Variants in DENND4C observed in about 807,000 individuals in gnomAD.
DENND4C encodes the protein DENN domain-containing protein 4C.
DENND4C carries 108 observed loss-of-function variants against 203.0 expected under a neutral mutation model. The observed-to-expected ratio is 0.53, with a 90% CI of 0.46 to 0.62. DENND4C has a LOEUF of 0.62. DENND4C is among the 20% of genes least tolerant of loss of function. DENND4C has a pLI of 0.00. For missense variants in DENND4C, 2,481 were observed against 2,301.2 expected, an observed-to-expected ratio of 1.08 and a Z score of -1.60; for synonymous variants, 871 against 792.4, an observed-to-expected ratio of 1.10 and a Z score of -1.67.
At chr9:19,349,397 C>T (rs1273907758) in intron 23 of DENND4C, among the ~76,000 whole-genome samples, 2 of 152,096 alleles carry the variant, frequency 1.3e-5, no homozygotes. Context: ...GATAGAGACC[C>T]TTTCTCCCTT....
At chr9:19,240,127 A>C (rs1823299253) in intron 1 of DENND4C, among the ~76,000 whole-genome samples, 1 of 152,100 alleles carries the variant, frequency 6.6e-6, no homozygotes, top group African/African-American at 2.4e-5. Context: ...AAGTAATTTA[A>C]CTAGGGGGAT....
At chr9:19,268,737 T>C (rs1189548026) in intron 1 of DENND4C, among the ~76,000 whole-genome samples, 1 of 151,842 alleles carries the variant, frequency 6.6e-6, no homozygotes, top group Non-Finnish European at 1.5e-5. Context: ...TGTTTTTTTT[T>C]CAGTACTTTA....
At chr9:19,268,886 GT>G (rs1831056408) in intron 1 of DENND4C, among the ~76,000 whole-genome samples, 1 of 152,108 alleles carries the variant, frequency 6.6e-6, no homozygotes, top group African/African-American at 2.4e-5. Context: ...ACCTTTGGGA[GT>G]TTGACAATTA....
At chr9:19,296,719 C>T (rs1173946601) in intron 6 of DENND4C, among the ~76,000 whole-genome samples, 1 of 152,132 alleles carries the variant, frequency 6.6e-6, no homozygotes, top group Non-Finnish European at 1.5e-5. Flanking sequence ...TAAGGTTGGC[C>T]AAATAATAAT....
Position 19,357,133 on chromosome 9 carries a change from C to G in DENND4C, c.4943C>G (p.Thr1648Arg), listed in dbSNP as rs1825605112. ...CATAACCAGATCATAACTGAAGAAA[C>G]AGGCTCTGCAGTTGAACCAAGGTAT... ...PKHNQIITEE[T>R]GSAVEPSDEI... Residue 1648 changes from threonine to arginine, a missense_variant, in exon 27 of 33, where the codon ACA (threonine) becomes AGA (arginine). Thr to Arg is a moderately conservative substitution (Grantham distance 71). This residue lies in a region of DENND4C where 2,289 missense variants were observed against 2,113.3 expected (regional missense o/e 1.08). Coordinates refer to ENST00000434457, the MANE Select transcript of DENND4C (RefSeq NM_001330640.2). The G allele has an allele frequency of 6.2e-7, 1 of 1,613,712 alleles. No individual in the cohort carries two copies. Among genetic ancestry groups the G allele is most frequent in the Admixed American group, 1.7e-5 (1 of 59,994 alleles).
intron 27 of DENND4C, 161 bp downstream of exon 27, chr9:19,357,315 A>G (rs2132161322): frequency 1.6e-6 from 1 of 619,456 alleles, no homozygotes; most frequent in Admixed American, 3.4e-5. Flanking sequence ...TAATGAATGA[A>G]TCTGATGATA....
intron 16 of DENND4C, among the ~76,000 whole-genome samples, chr9:19,331,273 G>C (rs1195324031): frequency 6.6e-6 from 1 of 150,528 alleles, no homozygotes; most frequent in Non-Finnish European, 1.5e-5. Flanking sequence ...CACAATCTCA[G>C]CTCACTGCAA....
chr9:19,344,816 A>C (rs1822464836), intron 22 of DENND4C, among the ~76,000 whole-genome samples: 1 of 151,784 alleles, frequency 6.6e-6, no homozygotes, highest in Non-Finnish European at 1.5e-5. Flanking sequence ...CCCTAACTTA[A>C]AAAAAAATAA....
At chr9:19,352,403 TAAA>T in intron 25 of DENND4C, 84 bp from the exon 26 acceptor site, 8 of 1,336,038 alleles carry the variant, frequency 6.0e-6, no homozygotes, top group Non-Finnish European at 7.1e-6. Flanking sequence ...ATCAGTAGAA[TAAA>T]AAAAATCCCA....
intron 16 of DENND4C, among the ~76,000 whole-genome samples, chr9:19,330,197 G>C (rs1818751971): frequency 6.6e-6 from 1 of 151,416 alleles, no homozygotes; most frequent in African/African-American, 2.4e-5. Context: ...CTCATTTATA[G>C]CAGAATTTTT....
chr9:19,371,876 T>C, intron 32 of DENND4C, 56 bp downstream of exon 32: 1 of 1,365,126 alleles, frequency 7.3e-7, no homozygotes, highest in African/African-American at 1.5e-5. Flanking sequence ...TTTTCAAAAG[T>C]AATTTTTAAA....
At chr9:19,304,713 C>A (rs1839309189) in intron 9 of DENND4C, among the ~76,000 whole-genome samples, 1 of 133,194 alleles carries the variant, frequency 7.5e-6, no homozygotes, top group Non-Finnish European at 1.6e-5. Flanking sequence ...ATTTTTTGTA[C>A]TTTTTTTTTT....
intron 16 of DENND4C, among the ~76,000 whole-genome samples, chr9:19,330,583 C>G (rs1179925954): frequency 1.3e-5 from 2 of 151,936 alleles, no homozygotes; most frequent in African/African-American, 4.8e-5. Context: ...TGTGATCCAC[C>G]TGCCTCGGCC....
chr9:19,321,695 A>C (rs1416936259), intron 12 of DENND4C, among the ~76,000 whole-genome samples: 1 of 151,896 alleles, frequency 6.6e-6, no homozygotes, highest in East Asian at 1.9e-4. Context: ...AAATACAAAA[A>C]TTAGCGCATG....
intron 1 of DENND4C, among the ~76,000 whole-genome samples, chr9:19,272,427 CAAAAACAAAAACA>C (rs1331621618): frequency 1.3e-5 from 2 of 150,622 alleles, no homozygotes; most frequent in African/African-American, 4.9e-5. Flanking sequence ...TCTCAAAAAA[CAAAAACAAAAACA>C]AAAAACAAAA....
Position 19,346,388 on chromosome 9 carries a change from A to C in DENND4C, c.3619A>C (p.Ser1207Arg), listed in dbSNP as rs1322810450. ...KTTATVDTYESLLSDSNSNQS... is the reference protein window; with the variant it reads ...KTTATVDTYERLLSDSNSNQS... ...TACTGCAACAGTAGATACATATGAGAGTCTACTAAGTGATAGTAACAGTAA... is the reference window on the plus strand; with the variant it reads ...TACTGCAACAGTAGATACATATGAGCGTCTACTAAGTGATAGTAACAGTAA... Residue 1207 changes from serine (S) to arginine (R), a missense_variant, in exon 23 of 33, where the codon AGT (serine) becomes CGT (arginine). Coordinates refer to ENST00000434457, the MANE Select transcript of DENND4C (RefSeq NM_001330640.2). 3 of 1,613,914 alleles carry C rather than the reference A, an allele frequency of 1.9e-6. No homozygotes were observed. Among genetic ancestry groups the C allele is most frequent in the African/African-American group, 2.7e-5 (2 of 74,904 alleles).
chr9:19,238,467 CCT>C (rs1473108086), intron 1 of DENND4C, among the ~76,000 whole-genome samples: 1 of 47,100 alleles, frequency 2.1e-5, no homozygotes, highest in Non-Finnish European at 4.1e-5. Context: ...CCCTCCCCTC[CCT>C]CTCCCCTCCC....
chr9:19,267,941 A>T (rs997236519), intron 1 of DENND4C, among the ~76,000 whole-genome samples: 1 of 152,116 alleles, frequency 6.6e-6, no homozygotes, highest in African/African-American at 2.4e-5. Context: ...ATTCAATGTC[A>T]TTATTGATAA....
At chr9:19,252,710 TATACACAC>T (rs1437765121) in intron 1 of DENND4C, among the ~76,000 whole-genome samples, 2 of 56,936 alleles carry the variant, frequency 3.5e-5, no homozygotes, top group African/African-American at 1.4e-4. Flanking sequence ...TCAGCGTGTG[TATACACAC>T]ACACACACAC....
Sources: allele counts gnomAD v4.1 joint callset (sites outside exome capture counted in the v4.1 genomes callset), GRCh38; gene constraint gnomAD v4.1.1; regional missense constraint gnomAD v4.1.1; transcripts MANE v1.5; gene names NCBI Gene and HGNC (gene_info 2026-07-23, HGNC 2026-07-21).